The following ATP11A variants were observed in gnomAD, a reference collection of about 807,000 sequenced individuals.
ATP11A encodes the protein phospholipid-transporting ATPase IH.
Under a neutral mutation model 154.4 loss-of-function variants are expected in ATP11A, and 81 were observed. That is an observed-to-expected ratio of 0.52 (90% CI 0.44 to 0.63). The LOEUF is 0.63. ATP11A is among the 30% of genes least tolerant of loss of function. The probability of loss-of-function intolerance (pLI) is 0.00; values close to 1 mark genes in which losing one functional copy is unlikely to be tolerated. For missense variants in ATP11A, 1,316 were observed against 1,474.3 expected (o/e 0.89, Z 1.76); for synonymous variants, 623 against 585.9 (o/e 1.06, Z -0.91).
rs1391166728 is a variant in ATP11A at position 112,883,142 on chromosome 13, G to A, written c.*1276G>A. On this transcript the variant is annotated 3_prime_UTR_variant, in exon 30 of 30. Transcript: ENST00000375645. Reference sequence around the variant, plus strand: ...CGTCTCCTCATCCCCACGTCCTCTCGTCCCCTTGTCCCGTCCCCACATACC... The same window carrying A: ...CGTCTCCTCATCCCCACGTCCTCTCATCCCCTTGTCCCGTCCCCACATACC... 1.2e-4 allele frequency: 44 copies of A among 375,338 alleles called. No individual in the cohort carries two copies. The highest frequency in any genetic ancestry group is 6.6e-4 in the Middle Eastern group (1 of 1,522). The allele number at this position is 375,338 out of a possible 1,614,324, so 23.3% of individuals were successfully genotyped here.
intron 17 of ATP11A, among the ~76,000 whole-genome samples, chr13:112,843,538 A>G (rs1329850981): frequency 6.6e-6 from 1 of 152,220 alleles, no homozygotes; most frequent in Non-Finnish European, 1.5e-5. Flanking sequence ...GACGCTGGCC[A>G]GAGTGGCTAC....
At chr13:112,784,157 G>T (rs543443114) in intron 1 of ATP11A, among the ~76,000 whole-genome samples, 2 of 152,362 alleles carry the variant, frequency 1.3e-5, no homozygotes, top group South Asian at 4.1e-4. Flanking sequence ...AGGCGGAGAG[G>T]AGTAGCTCAG....
At chr13:112,702,963 A>G (rs1041284307) in intron 1 of ATP11A, among the ~76,000 whole-genome samples, 34 of 152,270 alleles carry the variant, frequency 2.2e-4, no homozygotes, top group Non-Finnish European at 4.3e-4. Context: ...TTCATTATGA[A>G]AAACTGATAC....
intron 2 of ATP11A, among the ~76,000 whole-genome samples, chr13:112,803,714 CCCTCCTTCCCTCCCTGA>C (rs1376040307): frequency 3.8e-5 from 5 of 130,436 alleles, no homozygotes; most frequent in African/African-American, 1.6e-4. Context: ...TCTCTCATTC[CCCTCCTTCCCTCCCTGA>C]CCTCCTTCCC....
intron 9 of ATP11A, among the ~76,000 whole-genome samples, 168 bp from the exon 10 acceptor site, chr13:112,824,176 C>A (rs2078872749): frequency 6.6e-6 from 1 of 152,092 alleles, no homozygotes; most frequent in South Asian, 2.1e-4. Context: ...GGGTCTTTAT[C>A]CTAAGGAATC....
At chr13:112,718,627 G>A (rs9604408) in intron 1 of ATP11A, among the ~76,000 whole-genome samples, 47,960 of 151,474 alleles carry the variant, frequency 0.32, 7,933 homozygotes, top group Middle Eastern at 0.4. Flanking sequence ...CTGGATCCCT[G>A]GGTTTGGATT....
intron 1 of ATP11A, among the ~76,000 whole-genome samples, chr13:112,733,613 T>G (rs1487977444): frequency 6.6e-6 from 1 of 152,214 alleles, no homozygotes; most frequent in East Asian, 1.9e-4. Context: ...ACCTTCGAGG[T>G]AGGCCCACAT....
chr13:112,828,748 G>A (rs919653633), intron 12 of ATP11A, among the ~76,000 whole-genome samples: 3 of 152,160 alleles, frequency 2.0e-5, no homozygotes, highest in African/African-American at 4.8e-5. Context: ...TGACCTCCTC[G>A]TACACAAAGA....
At chr13:112,799,083 C>A (rs2078069689) in intron 2 of ATP11A, among the ~76,000 whole-genome samples, 1 of 152,178 alleles carries the variant, frequency 6.6e-6, no homozygotes, top group African/African-American at 2.4e-5. Context: ...TGCCAAACAA[C>A]AAAGAGGTCA....
Position 112,831,358 on chromosome 13 carries a change from C to T in ATP11A, c.1222-17C>T, listed in dbSNP as rs1199115434. On this transcript the variant is annotated splice_polypyrimidine_tract_variant and intron_variant, in intron 12 of 29. Coordinates refer to ENST00000375645, the MANE Select transcript of ATP11A (RefSeq NM_015205.3). ...GCCTCCCTCAGAGCGCCCTGACTTG[C>T]TGTGCCCTGCCCGCAGGTGGAGTAC... 6.2e-7 allele frequency: 1 copy of T among 1,611,290 alleles called. No individual in the cohort carries two copies. Among genetic ancestry groups the T allele is most frequent in the Non-Finnish European group, 8.5e-7 (1 of 1,177,882 alleles).
intron 2 of ATP11A, among the ~76,000 whole-genome samples, chr13:112,789,062 C>G (rs1299849802): frequency 6.6e-6 from 1 of 151,646 alleles, no homozygotes; most frequent in Non-Finnish European, 1.5e-5. Context: ...ACCAGGTGTC[C>G]TGATGTGTAG....
chr13:112,742,417 CTG>C lies in ATP11A; in HGVS notation c.40-42717_40-42716del, dbSNP rs151115547. On this transcript the variant is annotated intron_variant, in intron 1 of 29. Transcript: ENST00000375645. The stretch of plus-strand genomic sequence containing the variant: ...TGCGGGCGCTGGTCTCTGTGGGAGA[CTG>C]GGGTGTGAGCACGCGGTGTCACAGG... Among the ~76,000 whole-genome samples, 351 of 152,250 alleles carry C rather than the reference CTG, an allele frequency of 2.3e-3. 3 individuals carry two copies. Among genetic ancestry groups the C allele is most frequent in the African/African-American group, 8.2e-3 (342 of 41,540 alleles).
chr13:112,842,254 C>T, intron 16 of ATP11A, 22 bp from the exon 17 acceptor site: 1 of 1,560,848 alleles, frequency 6.4e-7, no homozygotes. Flanking sequence ...TGATTAAACT[C>T]CTCATTTTTC....
chr13:112,735,897 T>C (rs1890952061), intron 1 of ATP11A, among the ~76,000 whole-genome samples: 7 of 152,208 alleles, frequency 4.6e-5, no homozygotes, highest in Admixed American at 4.6e-4. Context: ...AGTCCCATGG[T>C]CCGTGTGCTC....
chr13:112,834,588 G>T lies in ATP11A; in HGVS notation c.1560-1G>T. ...CCCCGAGGTTTCCCTTCTCATTGCA[G>T]ACTTGGCTTTACCTACCTAAGGCTG... On this transcript the variant is annotated splice_acceptor_variant, in intron 14 of 29. Transcript: ENST00000375645. LOFTEE classifies it high-confidence loss of function. 6.2e-7 allele frequency: 1 copy of T among 1,611,834 alleles called. No individual in the cohort carries two copies. Among genetic ancestry groups the T allele is most frequent in the South Asian group, 1.1e-5 (1 of 90,980 alleles).
At chr13:112,840,565 C>T (rs1027956729) in intron 16 of ATP11A, among the ~76,000 whole-genome samples, 16 of 150,066 alleles carry the variant, frequency 1.1e-4, no homozygotes, top group Non-Finnish European at 2.2e-4. Context: ...CCTCCAGCCT[C>T]AGCCTCCGTC....
At chr13:112,832,408 C>T (rs769557409) in intron 13 of ATP11A, among the ~76,000 whole-genome samples, 3 of 152,320 alleles carry the variant, frequency 2.0e-5, no homozygotes, top group Non-Finnish European at 4.4e-5. Context: ...ACAGCAGGAG[C>T]GCCACAGGTC....
At chr13:112,705,041 T>C (rs1446410447) in intron 1 of ATP11A, among the ~76,000 whole-genome samples, 1 of 152,214 alleles carries the variant, frequency 6.6e-6, no homozygotes, top group East Asian at 1.9e-4. Flanking sequence ...CTTTTCTCTC[T>C]AGAAAGTGCA....
At chr13:112,845,785 G>A (rs9550229) in intron 17 of ATP11A, among the ~76,000 whole-genome samples, 3 of 86,020 alleles carry the variant, frequency 3.5e-5, no homozygotes, top group African/African-American at 1.7e-4. Context: ...GTACTAACCA[G>A]TCCAGTTTCC....
Sources: gnomAD v4.1 joint callset for allele counts (sites outside exome capture counted in the v4.1 genomes callset) on GRCh38, gnomAD v4.1.1 for gene constraint, MANE v1.5 for transcripts, NCBI Gene and HGNC (gene_info 2026-07-23, HGNC 2026-07-21) for gene names.